The following MTDH variants were observed in gnomAD, a reference collection of about 807,000 sequenced individuals.
The protein encoded by MTDH is protein LYRIC.
In MTDH, 34 loss-of-function variants were observed where a neutral mutation model predicts 72.7. That is an observed-to-expected ratio of 0.47 (90% CI 0.36 to 0.62). MTDH has a LOEUF of 0.62. Among genes scored for constraint, MTDH ranks in the 20% least tolerant of loss-of-function variants. MTDH has a pLI of 0.00. For synonymous variants in MTDH, 266 were observed against 268.9 expected (o/e 0.99, Z 0.10); for missense variants, 677 against 699.4 (o/e 0.97, Z 0.36).
intron 2 of MTDH, among the ~76,000 whole-genome samples, chr8:97,684,917 T>A (rs1390682987): frequency 5.9e-5 from 9 of 152,052 alleles, no homozygotes; most frequent in Non-Finnish European, 1.3e-4. Flanking sequence ...AATATAAAAA[T>A]TATACAGATG....
At position 97,722,745 on chromosome 8, in the gene MTDH, A is replaced by G. The variant is rs1021741224; in HGVS notation, c.1522-134A>G. 8.5e-6 allele frequency: 6 copies of G among 706,854 alleles called. No individual in the cohort carries two copies. In the Admixed American group the frequency reaches 1.2e-4, roughly 15 times the overall value. The allele number at this position is 706,854 out of a possible 1,614,324, so 43.8% of individuals were successfully genotyped here. On this transcript the variant is annotated intron_variant, in intron 10 of 11. Transcript: ENST00000336273. ...TTGGCTGTATCACTAGAGGGCAGGT[A>G]TGAGTTACATTGTTTATCTGGAAAC...
chr8:97,685,931 G>A (rs762740523), intron 2 of MTDH, among the ~76,000 whole-genome samples: 2 of 152,150 alleles, frequency 1.3e-5, no homozygotes, highest in Non-Finnish European at 2.9e-5. Context: ...GCAAGCTTTT[G>A]AAAGGATAGA....
chr8:97,685,565 G>T (rs1486897332), intron 2 of MTDH, among the ~76,000 whole-genome samples: 1 of 151,968 alleles, frequency 6.6e-6, no homozygotes, highest in Non-Finnish European at 1.5e-5. Context: ...TTTGAGACCA[G>T]CCTGGCCAAC....
rs1306481342 is a variant in MTDH at position 97,729,829 on chromosome 8, G to GT, written c.*5160dup. Among the ~76,000 whole-genome samples, 8 of 152,092 alleles carry GT rather than the reference G, an allele frequency of 5.3e-5. No individual in the cohort carries two copies. Among genetic ancestry groups the GT allele is most frequent in the African/African-American group, 1.9e-4 (8 of 41,392 alleles). On this transcript the variant is annotated 3_prime_UTR_variant, in exon 12 of 12. Transcript: ENST00000336273. ...TTTTAGAAGAAATTTCTGCCACTCA[G>GT]TGACTGCTTTAAATTCTAGAGACAG...
Position 97,644,476 on chromosome 8 carries a change from C to T in MTDH, c.-31C>T. 1 of 1,539,718 alleles carries T rather than the reference C, an allele frequency of 6.5e-7. No homozygotes were observed. The highest frequency in any genetic ancestry group is 8.7e-7 in the Non-Finnish European group (1 of 1,151,706). On this transcript the variant is annotated 5_prime_UTR_variant, in exon 1 of 12. Coordinates refer to ENST00000336273, the MANE Select transcript of MTDH (RefSeq NM_178812.4). Reference sequence around the variant, plus strand: ...CCACTGCGTCTCCGCGCCCCGGCGTCATCCTGCGAGTCCCTCTGACGGGAG... The same window carrying T: ...CCACTGCGTCTCCGCGCCCCGGCGTTATCCTGCGAGTCCCTCTGACGGGAG...
intron 2 of MTDH, among the ~76,000 whole-genome samples, chr8:97,663,498 C>T (rs1365874946): frequency 6.6e-6 from 1 of 151,966 alleles, no homozygotes; most frequent in Non-Finnish European, 1.5e-5. Flanking sequence ...CCTGTAATCC[C>T]AGCACTTTGG....
intron 2 of MTDH, among the ~76,000 whole-genome samples, chr8:97,680,107 C>T (rs1356640268): frequency 6.6e-6 from 1 of 152,136 alleles, no homozygotes; most frequent in Admixed American, 6.5e-5. Flanking sequence ...AGGTCTTGCT[C>T]TGTCGCCCAA....
intron 2 of MTDH, among the ~76,000 whole-genome samples, chr8:97,677,806 G>A (rs2513371): frequency 0.47 from 71,617 of 151,892 alleles, 19,711 homozygotes; most frequent in African/African-American, 0.75. Context: ...TAGTTTTTTT[G>A]GAGGTATTTA....
intron 7 of MTDH, among the ~76,000 whole-genome samples, chr8:97,703,325 T>C (rs1044151787): frequency 1.3e-5 from 2 of 152,208 alleles, no homozygotes; most frequent in Non-Finnish European, 2.9e-5. Context: ...GCCACTGCAC[T>C]CCAGCCTGGG....
At chr8:97,663,576 G>A (rs568271177) in intron 2 of MTDH, among the ~76,000 whole-genome samples, 2 of 151,856 alleles carry the variant, frequency 1.3e-5, no homozygotes, top group South Asian at 2.1e-4. Flanking sequence ...GTGAAACCCC[G>A]TCTCTACTAA....
At chr8:97,685,468 T>A (rs1218258374) in intron 2 of MTDH, among the ~76,000 whole-genome samples, 1 of 152,178 alleles carries the variant, frequency 6.6e-6, no homozygotes, top group Non-Finnish European at 1.5e-5. Flanking sequence ...TGTCATTGCT[T>A]ACTCACTTGC....
chr8:97,705,355 A>T (rs1814307772), intron 7 of MTDH, among the ~76,000 whole-genome samples: 2 of 151,534 alleles, frequency 1.3e-5, no homozygotes, highest in African/African-American at 4.9e-5. Flanking sequence ...TAATCCCAGC[A>T]CTTTGGGAGG....
At chr8:97,718,176 G>A (rs1372653796) in intron 9 of MTDH, among the ~76,000 whole-genome samples, 1 of 152,096 alleles carries the variant, frequency 6.6e-6, no homozygotes, top group African/African-American at 2.4e-5. Flanking sequence ...CCAAATAGCT[G>A]GGATTACAGG....
chr8:97,684,416 G>A (rs1392630585), intron 2 of MTDH, among the ~76,000 whole-genome samples: 1 of 151,470 alleles, frequency 6.6e-6, no homozygotes, highest in East Asian at 1.9e-4. Flanking sequence ...ACCAAGGATA[G>A]CAAACTCTGA....
intron 2 of MTDH, among the ~76,000 whole-genome samples, chr8:97,666,325 C>T (rs1812384980): frequency 6.6e-6 from 1 of 152,146 alleles, no homozygotes; most frequent in Admixed American, 6.6e-5. Context: ...ACACAATATA[C>T]AAAATATTTG....
At chr8:97,668,925 C>T (rs1812496702) in intron 2 of MTDH, among the ~76,000 whole-genome samples, 1 of 152,014 alleles carries the variant, frequency 6.6e-6, no homozygotes, top group South Asian at 2.1e-4. Context: ...CTACCTAAAA[C>T]CCTTCATGCC....
At chr8:97,691,313 A>G (rs776244618) in intron 6 of MTDH, 125 bp downstream of exon 6, 1 of 642,012 alleles carries the variant, frequency 1.6e-6, no homozygotes, top group Admixed American at 3.2e-5. Context: ...AAATAATAGT[A>G]ATAATTAACT....
At chr8:97,682,869 TG>T (rs1387533606) in intron 2 of MTDH, among the ~76,000 whole-genome samples, 8 of 151,798 alleles carry the variant, frequency 5.3e-5, no homozygotes, top group Admixed American at 4.6e-4. Flanking sequence ...ATATGACGGG[TG>T]GGGAACAGGG....
intron 5 of MTDH, among the ~76,000 whole-genome samples, chr8:97,690,643 A>AAT (rs1813563250): frequency 6.6e-6 from 1 of 151,672 alleles, no homozygotes; most frequent in Non-Finnish European, 1.5e-5. Flanking sequence ...ATATATATAA[A>AAT]TAAGGAAAGA....
Sources: gnomAD v4.1 joint callset for allele counts (sites outside exome capture counted in the v4.1 genomes callset) on GRCh38, gnomAD v4.1.1 for gene constraint, MANE v1.5 for transcripts, NCBI Gene and HGNC (gene_info 2026-07-23, HGNC 2026-07-21) for gene names.